Variants in NBEA observed in about 807,000 individuals in gnomAD.
NBEA encodes neurobeachin.
In NBEA, 44 loss-of-function variants were observed where a neutral mutation model predicts 343.4. That is an observed-to-expected ratio of 0.13 (90% CI 0.10 to 0.16). The LOEUF is 0.16. NBEA is among the 10% of genes least tolerant of loss of function. The pLI is 1.00. For synonymous variants in NBEA, 1,175 were observed against 1,238.7 expected, an observed-to-expected ratio of 0.95 and a Z score of 1.08; for missense variants, 2,555 against 3,631.3, an observed-to-expected ratio of 0.70 and a Z score of 7.62.
chr13:34,970,735 T>C (rs1048867220), intron 1 of NBEA, among the ~76,000 whole-genome samples: 3 of 152,084 alleles, frequency 2.0e-5, no homozygotes, highest in Admixed American at 2.0e-4. Context: ...TTGATCTGTG[T>C]GTCTGTTCTT....
At chr13:35,531,153 T>A (rs980437845) in intron 41 of NBEA, among the ~76,000 whole-genome samples, 1 of 152,132 alleles carries the variant, frequency 6.6e-6, no homozygotes, top group African/African-American at 2.4e-5. Flanking sequence ...TGATTTATCA[T>A]TCTCAACCCC....
chr13:34,949,997 A>G (rs1301055503), intron 1 of NBEA, among the ~76,000 whole-genome samples: 2 of 152,134 alleles, frequency 1.3e-5, no homozygotes, highest in Non-Finnish European at 2.9e-5. Context: ...CTAATGTTAT[A>G]GATTTCTGAC....
At chr13:35,128,516 T>G (rs2067247834) in intron 17 of NBEA, among the ~76,000 whole-genome samples, 1 of 152,126 alleles carries the variant, frequency 6.6e-6, no homozygotes, top group Non-Finnish European at 1.5e-5. Flanking sequence ...TGTAGGAAGA[T>G]TGGAGTGCTA....
chr13:35,393,843 T>C (rs2042617535), intron 38 of NBEA, among the ~76,000 whole-genome samples: 1 of 152,146 alleles, frequency 6.6e-6, no homozygotes, highest in South Asian at 2.1e-4. Context: ...AAACCTAGGC[T>C]TAAGTTATGT....
intron 17 of NBEA, among the ~76,000 whole-genome samples, chr13:35,127,116 A>G (rs1174997236): frequency 6.6e-6 from 1 of 152,166 alleles, no homozygotes; most frequent in Non-Finnish European, 1.5e-5. Context: ...ATCAAAGTGC[A>G]TTACTGGACT....
chr13:35,583,383 G>C (rs2081144410), intron 45 of NBEA, among the ~76,000 whole-genome samples: 1 of 152,162 alleles, frequency 6.6e-6, no homozygotes, highest in Non-Finnish European at 1.5e-5. Context: ...AAAAAGGATA[G>C]TTGTTCCATC....
At chr13:35,252,110 A>G (rs2032047100) in intron 34 of NBEA, among the ~76,000 whole-genome samples, 1 of 152,192 alleles carries the variant, frequency 6.6e-6, no homozygotes, top group African/African-American at 2.4e-5. Flanking sequence ...TAGTTCATAA[A>G]GGAAAGAGGT....
chr13:34,961,636 A>T (rs1156947148), intron 1 of NBEA, among the ~76,000 whole-genome samples: 1 of 152,100 alleles, frequency 6.6e-6, no homozygotes, highest in African/African-American at 2.4e-5. Context: ...TACAATGATC[A>T]AGATAAGGTC....
rs535839399 is a variant in NBEA, at chr13:35,155,761, C to A, written c.2446-13C>A. On this transcript the variant is annotated splice_polypyrimidine_tract_variant and intron_variant, in intron 18 of 58. Transcript: ENST00000379939. ...TTGTTTTCTAAATGAAGTTCAAATT[C>A]TTCATTTTTCAGATCTTGACAGAAC... The A allele has an allele frequency of 2.5e-6, 4 of 1,583,938 alleles. No homozygotes were observed. In the African/African-American group the frequency reaches 4.0e-5, roughly 16 times the overall value.
At chr13:35,234,857 C>T (rs2075148670) in intron 34 of NBEA, among the ~76,000 whole-genome samples, 1 of 152,132 alleles carries the variant, frequency 6.6e-6, no homozygotes, top group Non-Finnish European at 1.5e-5. Flanking sequence ...TTTGTTTTCC[C>T]TCAATTTACT....
At chr13:35,483,783 TTAA>T (rs1325430287) in intron 41 of NBEA, among the ~76,000 whole-genome samples, 1 of 152,130 alleles carries the variant, frequency 6.6e-6, no homozygotes, top group African/African-American at 2.4e-5. Context: ...TATTGCTTTC[TTAA>T]TAATCTCAAA....
chr13:35,601,911 A>G (rs1212386912), intron 47 of NBEA, among the ~76,000 whole-genome samples: 1 of 152,156 alleles, frequency 6.6e-6, no homozygotes, highest in Admixed American at 6.6e-5. Flanking sequence ...CAGTGCAGCC[A>G]TTAGCAAATT....
intron 55 of NBEA, among the ~76,000 whole-genome samples, chr13:35,656,899 A>G (rs2084837552): frequency 6.6e-6 from 1 of 152,246 alleles, no homozygotes; most frequent in Non-Finnish European, 1.5e-5. Flanking sequence ...AAAATACTAT[A>G]AGAGTAGATA....
chr13:35,142,217 T>A (rs2068130869), intron 17 of NBEA, 52 bp from the exon 18 acceptor site: 8 of 1,133,888 alleles, frequency 7.1e-6, no homozygotes, highest in Non-Finnish European at 9.3e-6. Context: ...AGTCATGTGA[T>A]CGGAGAATCC....
intron 44 of NBEA, among the ~76,000 whole-genome samples, chr13:35,557,941 A>G (rs1191888447): frequency 2.0e-5 from 3 of 152,150 alleles, no homozygotes; most frequent in African/African-American, 7.2e-5. Context: ...ATTATATATA[A>G]TATTGGAGCC....
intron 41 of NBEA, among the ~76,000 whole-genome samples, chr13:35,544,209 G>T (rs969202841): frequency 1.3e-5 from 2 of 152,094 alleles, no homozygotes; most frequent in African/African-American, 4.8e-5. Flanking sequence ...CTCTAAAAAG[G>T]GTTTGCCCAG....
At chr13:35,646,517 G>A (rs1479618530) in intron 51 of NBEA, among the ~76,000 whole-genome samples, 169 bp downstream of exon 51, 1 of 152,190 alleles carries the variant, frequency 6.6e-6, no homozygotes, top group African/African-American at 2.4e-5. Context: ...AGAAGGAAGT[G>A]TAAATCTACC....
At chr13:35,532,271 T>G (rs1428261853) in intron 41 of NBEA, among the ~76,000 whole-genome samples, 1 of 152,142 alleles carries the variant, frequency 6.6e-6, no homozygotes, top group Non-Finnish European at 1.5e-5. Flanking sequence ...AAATATCTTT[T>G]CCTCATCACA....
At chr13:35,156,241 C>G (rs773023650) in intron 20 of NBEA, 35 bp downstream of exon 20, 1 of 1,488,114 alleles carries the variant, frequency 6.7e-7, no homozygotes, top group South Asian at 1.3e-5. Context: ...ACACTTTATT[C>G]CATAATTAAT....
Sources: gnomAD v4.1 joint callset for allele counts (sites outside exome capture counted in the v4.1 genomes callset) on GRCh38, gnomAD v4.1.1 for gene constraint, MANE v1.5 for transcripts, NCBI Gene and HGNC (gene_info 2026-07-23, HGNC 2026-07-21) for gene names.